The following FLACC1 variants were observed in gnomAD, a reference collection of about 807,000 sequenced individuals.
FLACC1 encodes the protein flagellum associated containing coiled-coil domains 1.
Under a neutral mutation model 62.8 loss-of-function variants are expected in FLACC1, and 66 were observed. The ratio of observed to expected loss-of-function variants is 1.05; its 90% CI spans 0.86 to 1.29. The LOEUF (loss-of-function observed/expected upper bound fraction) is 1.29, where lower values mean the gene tolerates loss of function less well. Among genes scored for constraint, FLACC1 ranks in the 50% most tolerant of loss-of-function variants. The pLI is 0.00. For missense variants in FLACC1, 452 were observed against 489.1 expected (o/e 0.92, Z 0.71); for synonymous variants, 156 against 161.0 (o/e 0.97, Z 0.24).
intron 11 of FLACC1, among the ~76,000 whole-genome samples, chr2:201,303,744 C>T (rs1017776857): frequency 2.0e-5 from 3 of 152,190 alleles, no homozygotes; most frequent in African/African-American, 7.2e-5. Context: ...ATCAAGTGGG[C>T]TTCATCCCTG....
chr2:201,358,110 G>A (rs1951146737), upstream of FLACC1, among the ~76,000 whole-genome samples: 1 of 152,080 alleles, frequency 6.6e-6, no homozygotes, highest in South Asian at 2.1e-4. Flanking sequence ...CACATTTGTT[G>A]TCTACTGTGT....
chr2:201,331,851 T>C (rs1038507949), intron 7 of FLACC1, among the ~76,000 whole-genome samples: 10 of 152,226 alleles, frequency 6.6e-5, no homozygotes, highest in Non-Finnish European at 4.4e-5. Context: ...ATGTCAACTA[T>C]GAACTCTGGG....
intron 1 of FLACC1, among the ~76,000 whole-genome samples, chr2:201,355,491 T>C (rs1005780789): frequency 6.6e-6 from 1 of 152,012 alleles, no homozygotes; most frequent in East Asian, 1.9e-4. Context: ...TTGATGAATG[T>C]GTAGTTGTTT....
intron 9 of FLACC1, among the ~76,000 whole-genome samples, chr2:201,318,821 T>C (rs887214516): frequency 3.3e-5 from 5 of 152,244 alleles, no homozygotes; most frequent in Non-Finnish European, 7.3e-5. Flanking sequence ...TGGAGACTTA[T>C]TCTAAGTGAA....
intron 11 of FLACC1, among the ~76,000 whole-genome samples, chr2:201,300,638 C>G (rs919846132): frequency 1.3e-5 from 2 of 152,108 alleles, no homozygotes; most frequent in African/African-American, 2.4e-5. Flanking sequence ...AAGTGGGTCC[C>G]TGACCCCCGA....
chr2:201,332,533 C>A (rs951120742), intron 7 of FLACC1, among the ~76,000 whole-genome samples: 1 of 152,170 alleles, frequency 6.6e-6, no homozygotes, highest in Non-Finnish European at 1.5e-5. Context: ...CAGGCGTGAG[C>A]CACTGCGCCC....
At chr2:201,322,483 C>G (rs1287367343) in intron 9 of FLACC1, among the ~76,000 whole-genome samples, 2 of 151,916 alleles carry the variant, frequency 1.3e-5, no homozygotes, top group African/African-American at 4.8e-5. Context: ...GAGTCTTCAC[C>G]CCTGAAAGCA....
intron 9 of FLACC1, among the ~76,000 whole-genome samples, chr2:201,324,123 A>G (rs925815472): frequency 4.6e-5 from 7 of 152,152 alleles, no homozygotes; most frequent in Non-Finnish European, 1.0e-4. Context: ...CTCACCTAAC[A>G]TGAAAGGATT....
chr2:201,311,305 A>T (rs552859501), intron 9 of FLACC1, among the ~76,000 whole-genome samples: 1 of 152,302 alleles, frequency 6.6e-6, no homozygotes, highest in East Asian at 1.9e-4. Flanking sequence ...TGAAGCTGGC[A>T]TTATCCTTAT....
At chr2:201,356,935 T>C (rs1951129181) in intron 1 of FLACC1, 47 bp downstream of exon 1, 1 of 152,226 alleles carries the variant, frequency 6.6e-6, no homozygotes, top group Non-Finnish European at 1.5e-5. Flanking sequence ...TTAGTATTAA[T>C]AATCAGTAGA....
intron 1 of FLACC1, among the ~76,000 whole-genome samples, chr2:201,353,181 T>A (rs555151995): frequency 1.3e-5 from 2 of 152,270 alleles, no homozygotes; most frequent in South Asian, 4.1e-4. Context: ...AAATGTGCAA[T>A]TACTCCAGGT....
intron 10 of FLACC1, among the ~76,000 whole-genome samples, chr2:201,308,160 C>A (rs1576428463): frequency 6.6e-6 from 1 of 152,320 alleles, no homozygotes; most frequent in Middle Eastern, 3.4e-3. Context: ...GGTCTGACAG[C>A]GTAAGCCTCT....
intron 9 of FLACC1, among the ~76,000 whole-genome samples, chr2:201,321,494 C>A (rs566298565): frequency 1.1e-4 from 16 of 152,298 alleles, no homozygotes; most frequent in South Asian, 6.2e-4. Flanking sequence ...ACAACCCCCC[C>A]ACCCATTGTC....
chr2:201,340,358 A>C (rs181988276), intron 7 of FLACC1, among the ~76,000 whole-genome samples: 1 of 152,100 alleles, frequency 6.6e-6, no homozygotes. Flanking sequence ...TTTGTAGTGT[A>C]TGCTTTGAAT....
At chr2:201,304,875 G>A (rs1950068928) in intron 11 of FLACC1, among the ~76,000 whole-genome samples, 1 of 152,180 alleles carries the variant, frequency 6.6e-6, no homozygotes, top group Non-Finnish European at 1.5e-5. Context: ...AAACTGGCTA[G>A]CCATATGTAG....
rs1411056428 is a variant in FLACC1, at chr2:201,346,178, C to G, written c.368+364G>C. On this transcript the variant is annotated intron_variant, in intron 5 of 14. Transcript: ENST00000392257. The surrounding 1 kb of genome is among the most constrained non-coding windows in gnomAD (Gnocchi z 4.0). ...AGACTCTGTCTCAAAAAAAAAAGTG[C>G]ACTCCAGCCACCCAGAAACCCTCAC... Among the ~76,000 whole-genome samples the G allele has an allele frequency of 2.6e-5, 4 of 151,998 alleles. No homozygotes were observed. The highest frequency in any genetic ancestry group is 5.9e-5 in the Non-Finnish European group (4 of 67,984).
intron 9 of FLACC1, among the ~76,000 whole-genome samples, chr2:201,319,807 G>T (rs1220723929): frequency 6.6e-6 from 1 of 152,228 alleles, no homozygotes; most frequent in African/African-American, 2.4e-5. Context: ...AAACAAAATA[G>T]TTGTAGAGAT....
chr2:201,327,871 C>T (rs1950525013), intron 9 of FLACC1, among the ~76,000 whole-genome samples: 1 of 152,124 alleles, frequency 6.6e-6, no homozygotes. Context: ...ATGTTTATAG[C>T]AGCACAATTC....
At chr2:201,341,722 A>G (rs1950813998) in intron 7 of FLACC1, among the ~76,000 whole-genome samples, 2 of 152,160 alleles carry the variant, frequency 1.3e-5, no homozygotes, top group African/African-American at 4.8e-5. Flanking sequence ...ATTATTAACT[A>G]TAGCTCTCAT....
Sources: allele counts gnomAD v4.1 joint callset (sites outside exome capture counted in the v4.1 genomes callset), GRCh38; gene constraint gnomAD v4.1.1; non-coding constraint Gnocchi (gnomAD v3.1); transcripts MANE v1.5; gene names NCBI Gene and HGNC (gene_info 2026-07-23, HGNC 2026-07-21).